SMAD9: variants seen among roughly 807,000 people sequenced by gnomAD.
The protein encoded by SMAD9 is MAD homolog 9.
SMAD9 carries 36 observed loss-of-function variants against 46.1 expected under a neutral mutation model. The observed-to-expected ratio is 0.78, with a 90% CI of 0.60 to 1.03. The LOEUF is 1.03. Among genes scored for constraint, SMAD9 ranks in the 50% least tolerant of loss-of-function variants. SMAD9 has a pLI of 0.00. For synonymous variants in SMAD9, 245 were observed against 237.1 expected (o/e 1.03, Z -0.31); for missense variants, 572 against 599.8 (o/e 0.95, Z 0.48).
At position 36,853,466 on chromosome 13, in the gene SMAD9, C is replaced by T. The variant is rs375901971; in HGVS notation, c.1213G>A (p.Val405Met). The T allele has an allele frequency of 3.7e-5, 59 of 1,614,058 alleles. No individual in the cohort carries two copies. Among genetic ancestry groups the T allele is most frequent in the Non-Finnish European group, 4.4e-5 (52 of 1,179,980 alleles). Residue 405 changes from valine to methionine, a missense_variant, in exon 6 of 7, where the codon GTG becomes ATG. By Grantham distance (21) the Val-to-Met change is conservative. Transcript: ENST00000379826. ...AQSVHHGFEV[V>M]YELTKMCTIR... ...GTACACATCTTGGTCAGTTCATACA[C>T]GACTTCAAAGCCGTGGTGAACTGAC...
chr13:36,865,861 C>T (rs2058228921), intron 4 of SMAD9, 103 bp from the exon 5 acceptor site: 4 of 975,142 alleles, frequency 4.1e-6, no homozygotes, highest in Non-Finnish European at 6.4e-6. Context: ...ACCAGAAAGT[C>T]GGCTGCAAGA....
chr13:36,880,121 T>A (rs1359775536), intron 1 of SMAD9, among the ~76,000 whole-genome samples: 2 of 152,250 alleles, frequency 1.3e-5, no homozygotes, highest in African/African-American at 4.8e-5. Context: ...TGTCTTTGAC[T>A]CTGCCCTCTC....
intron 5 of SMAD9, among the ~76,000 whole-genome samples, chr13:36,853,925 G>A (rs958592536): frequency 6.6e-6 from 1 of 152,192 alleles, no homozygotes; most frequent in Non-Finnish European, 1.5e-5. Context: ...TTGGAAGCCC[G>A]ACGTGGGCAG....
intron 1 of SMAD9, among the ~76,000 whole-genome samples, chr13:36,884,054 G>A (rs2058425481): frequency 6.6e-6 from 1 of 152,132 alleles, no homozygotes; most frequent in Non-Finnish European, 1.5e-5. Flanking sequence ...CTGTTTTGAT[G>A]CTACTGGGAC....
chr13:36,914,496 G>A (rs2058684286), intron 1 of SMAD9, among the ~76,000 whole-genome samples: 1 of 152,074 alleles, frequency 6.6e-6, no homozygotes, highest in Non-Finnish European at 1.5e-5. Flanking sequence ...TCCAGCCTGG[G>A]CGACAGAGAG....
At chr13:36,875,887 C>A (rs2058341648) in intron 2 of SMAD9, among the ~76,000 whole-genome samples, 1 of 152,192 alleles carries the variant, frequency 6.6e-6, no homozygotes, top group African/African-American at 2.4e-5. Flanking sequence ...ATCATAACAA[C>A]TATCTTGATA....
In SMAD9 at chr13:36,848,302, T is replaced by G; in HGVS notation, c.*374A>C. On this transcript the variant is annotated 3_prime_UTR_variant, in exon 7 of 7. Coordinates refer to ENST00000379826, the MANE Select transcript of SMAD9 (RefSeq NM_001127217.3). ...GCTTTAGTGCTGCTAATACCTGACTTTTGCTGTATAAACAGTTTCAATGTT... is the reference window on the plus strand; with the variant it reads ...GCTTTAGTGCTGCTAATACCTGACTGTTGCTGTATAAACAGTTTCAATGTT... The G allele has an allele frequency of 4.2e-6, 1 of 236,262 alleles. No homozygotes were observed. Among genetic ancestry groups the G allele is most frequent in the Non-Finnish European group, 8.4e-6 (1 of 119,000 alleles). 14.6% of individuals were successfully genotyped at this position (236,262 alleles called of 1,614,324 possible).
At chr13:36,862,393 C>T (rs2058191035) in intron 5 of SMAD9, among the ~76,000 whole-genome samples, 1 of 152,166 alleles carries the variant, frequency 6.6e-6, no homozygotes, top group Admixed American at 6.5e-5. Flanking sequence ...CTCTAGTCAT[C>T]CTCACTGCTC....
intron 1 of SMAD9, among the ~76,000 whole-genome samples, chr13:36,887,679 T>C (rs2058458595): frequency 6.6e-6 from 1 of 152,104 alleles, no homozygotes; most frequent in South Asian, 2.1e-4. Flanking sequence ...GTGGTGTGTT[T>C]TGTTTAAAGA....
chr13:36,918,213 T>A (rs2138732666), intron 1 of SMAD9, among the ~76,000 whole-genome samples: 1 of 152,336 alleles, frequency 6.6e-6, no homozygotes, highest in East Asian at 1.9e-4. Context: ...TTTGAAAGAC[T>A]GATGACAATG....
chr13:36,911,843 G>T (rs1019803965), intron 1 of SMAD9, among the ~76,000 whole-genome samples: 2 of 152,110 alleles, frequency 1.3e-5, no homozygotes, highest in Admixed American at 1.3e-4. Flanking sequence ...CCAGTAGCTG[G>T]GATTACAGGC....
At chr13:36,896,416 A>G (rs968136795) in intron 1 of SMAD9, among the ~76,000 whole-genome samples, 7 of 152,184 alleles carry the variant, frequency 4.6e-5, no homozygotes, top group Admixed American at 2.6e-4. Context: ...TACAGGTGCG[A>G]GACACCAGAC....
intron 3 of SMAD9, 49 bp from the exon 4 acceptor site, chr13:36,867,432 C>G (rs1566019795): frequency 1.0e-5 from 13 of 1,269,372 alleles, no homozygotes; most frequent in Non-Finnish European, 1.4e-5. Flanking sequence ...ATAAACCACA[C>G]AAAGACAGTT....
intron 1 of SMAD9, among the ~76,000 whole-genome samples, chr13:36,883,656 T>C (rs490068): frequency 0.59 from 89,124 of 151,976 alleles, 27,002 homozygotes; most frequent in East Asian, 0.73. Context: ...AAGGCTGAGG[T>C]AGGAGGACGG....
rs1160294470 is a variant in SMAD9, at chr13:36,847,004, T to TA, written c.*1671dup. The TA allele has an allele frequency of 4.6e-5, 7 of 152,188 alleles. No homozygotes were observed. The highest frequency in any genetic ancestry group is 3.3e-4 in the Admixed American group (5 of 15,276). The allele number at this position is 152,188 out of a possible 1,614,324, so 9.4% of individuals were successfully genotyped here. On this transcript the variant is annotated 3_prime_UTR_variant, in exon 7 of 7. Coordinates refer to ENST00000379826, the MANE Select transcript of SMAD9 (RefSeq NM_001127217.3). ...GCACAATACATAGTTGATGAACCAATAAACTACAGATTTTTCTATACACTA... is the reference window on the plus strand; with the variant it reads ...GCACAATACATAGTTGATGAACCAATAAAACTACAGATTTTTCTATACACTA...
intron 1 of SMAD9, among the ~76,000 whole-genome samples, chr13:36,905,413 A>G (rs1282230600): frequency 6.6e-6 from 1 of 152,122 alleles, no homozygotes; most frequent in Non-Finnish European, 1.5e-5. Context: ...TTTCAGTAAT[A>G]CTAATCAATA....
At chr13:36,864,612 T>G (rs1346753420) in intron 5 of SMAD9, among the ~76,000 whole-genome samples, 2 of 152,172 alleles carry the variant, frequency 1.3e-5, no homozygotes, top group Non-Finnish European at 2.9e-5. Context: ...TAAATAAACA[T>G]AAAGTAACTG....
intron 1 of SMAD9, among the ~76,000 whole-genome samples, chr13:36,893,370 C>A (rs1404986517): frequency 1.3e-5 from 2 of 149,328 alleles, no homozygotes; most frequent in Non-Finnish European, 3.0e-5. Context: ...AAAGCCACTT[C>A]CCTAAAGAAA....
intron 2 of SMAD9, among the ~76,000 whole-genome samples, chr13:36,879,066 C>T (rs1298396368): frequency 6.6e-6 from 1 of 151,736 alleles, no homozygotes; most frequent in Non-Finnish European, 1.5e-5. Context: ...GCAGGAATAT[C>T]GTTTTCATGG....
Sources: gnomAD v4.1 joint callset for allele counts (sites outside exome capture counted in the v4.1 genomes callset) on GRCh38, gnomAD v4.1.1 for gene constraint, MANE v1.5 for transcripts, NCBI Gene and HGNC (gene_info 2026-07-23, HGNC 2026-07-21) for gene names.